The following FNBP1L variants were observed in gnomAD, a reference collection of about 807,000 sequenced individuals.
FNBP1L encodes formin-binding protein 1-like.
FNBP1L carries 36 observed loss-of-function variants against 91.2 expected under a neutral mutation model. The observed-to-expected ratio is 0.39, with a 90% CI of 0.30 to 0.52. FNBP1L has a LOEUF of 0.52. Ranked by LOEUF, FNBP1L falls within the 20% of genes least tolerant of loss-of-function variation. The probability of loss-of-function intolerance (pLI) is 0.66; values close to 1 mark genes in which losing one functional copy is unlikely to be tolerated. For missense variants in FNBP1L, 571 were observed against 732.1 expected (o/e 0.78, Z 2.54); for synonymous variants, 242 against 237.0 (o/e 1.02, Z -0.19).
At chr1:93,546,688 A>G (rs946431030) in intron 12 of FNBP1L, among the ~76,000 whole-genome samples, 154 bp from the exon 13 acceptor site, 3 of 152,122 alleles carry the variant, frequency 2.0e-5, no homozygotes, top group African/African-American at 7.2e-5. Flanking sequence ...CCTTTATGCA[A>G]ATTGTCTTTA....
intron 2 of FNBP1L, among the ~76,000 whole-genome samples, chr1:93,520,982 C>T (rs1361062486): frequency 6.6e-6 from 1 of 152,164 alleles, no homozygotes; most frequent in African/African-American, 2.4e-5. Flanking sequence ...GCAGAGGTTT[C>T]AGTGGGCTGA....
chr1:93,534,781 A>C lies in FNBP1L; in HGVS notation c.863A>C (p.Gln288Pro). The C allele has an allele frequency of 6.4e-7, 1 of 1,571,018 alleles. No homozygotes were observed. Among genetic ancestry groups the C allele is most frequent in the Non-Finnish European group, 8.6e-7 (1 of 1,156,188 alleles). The change falls in exon 9 of 17, where the codon CAA becomes CCA. Residue 288 changes from glutamine to proline, a missense_variant. Transcript: ENST00000271234. ...GACTTTCCATTTGAAGATTACAGTC[A>C]ACATATATATAGAACCATTTCTGAT... is the stretch of plus-strand genomic sequence containing the variant. ...PGDFPFEDYS[Q>P]HIYRTISDGT...
At chr1:93,529,236 G>C (rs186262949) in intron 5 of FNBP1L, among the ~76,000 whole-genome samples, 9 of 152,110 alleles carry the variant, frequency 5.9e-5, no homozygotes, top group African/African-American at 2.2e-4. Flanking sequence ...CATTTTTTGA[G>C]TGAGATATAT....
intron 1 of FNBP1L, among the ~76,000 whole-genome samples, chr1:93,490,113 G>A (rs1670045751): frequency 6.6e-6 from 1 of 152,084 alleles, no homozygotes; most frequent in Non-Finnish European, 1.5e-5. Context: ...CAAAGTAATT[G>A]GGAAAACAAG....
chr1:93,510,633 G>A (rs150525681), intron 2 of FNBP1L, among the ~76,000 whole-genome samples: 44 of 152,156 alleles, frequency 2.9e-4, no homozygotes, highest in Middle Eastern at 3.4e-3. Context: ...GCTGAGAGAA[G>A]GCTTCAGATG....
At chr1:93,461,959 A>C (rs530766243) in intron 1 of FNBP1L, among the ~76,000 whole-genome samples, 8 of 152,326 alleles carry the variant, frequency 5.3e-5, no homozygotes, top group Admixed American at 5.2e-4. Context: ...GCTGGACTCT[A>C]TGGACCACTT....
intron 12 of FNBP1L, among the ~76,000 whole-genome samples, chr1:93,545,395 G>T (rs1181581294): frequency 1.3e-5 from 2 of 152,080 alleles, no homozygotes; most frequent in East Asian, 1.9e-4. Context: ...AATTTTCCCA[G>T]ATATCTCCAT....
intron 1 of FNBP1L, among the ~76,000 whole-genome samples, chr1:93,461,731 A>G (rs1040427394): frequency 6.6e-6 from 1 of 152,226 alleles, no homozygotes; most frequent in Non-Finnish European, 1.5e-5. Flanking sequence ...AGGTATGCCA[A>G]AGCAAAGAAT....
At chr1:93,502,365 C>T (rs991208693) in intron 2 of FNBP1L, among the ~76,000 whole-genome samples, 5 of 151,942 alleles carry the variant, frequency 3.3e-5, no homozygotes, top group African/African-American at 9.7e-5. Context: ...AAAAGAGATT[C>T]CTATCACAAA....
chr1:93,456,849 A>G (rs1668686073), intron 1 of FNBP1L, among the ~76,000 whole-genome samples: 2 of 151,914 alleles, frequency 1.3e-5, no homozygotes, highest in Admixed American at 1.3e-4. Flanking sequence ...CCCTCTATTG[A>G]TTCAACAAAT....
chr1:93,469,119 G>T (rs901529643), intron 1 of FNBP1L, among the ~76,000 whole-genome samples: 5 of 151,826 alleles, frequency 3.3e-5, no homozygotes, highest in African/African-American at 1.2e-4. Flanking sequence ...AAGTTCTAGG[G>T]TACATGTGCA....
intron 1 of FNBP1L, among the ~76,000 whole-genome samples, chr1:93,454,344 G>C (rs888178038): frequency 3.3e-5 from 5 of 151,862 alleles, no homozygotes; most frequent in Non-Finnish European, 7.4e-5. Context: ...GTCTGTGTGT[G>C]TGTGTGTGTG....
chr1:93,544,291 A>G, intron 12 of FNBP1L, 75 bp downstream of exon 12: 1 of 939,286 alleles, frequency 1.1e-6, no homozygotes. Context: ...AATGTGATAT[A>G]CAGAAGGTTT....
chr1:93,463,653 A>G (rs1003642188), intron 1 of FNBP1L, among the ~76,000 whole-genome samples: 9 of 151,992 alleles, frequency 5.9e-5, no homozygotes, highest in African/African-American at 1.9e-4. Context: ...TTAATCGTTT[A>G]TTTCCAGTAT....
chr1:93,458,049 C>T (rs899684537), intron 1 of FNBP1L, among the ~76,000 whole-genome samples: 11 of 152,154 alleles, frequency 7.2e-5, no homozygotes, highest in Admixed American at 2.0e-4. Context: ...CTCAGCCTCC[C>T]AGAGTGCTGG....
intron 10 of FNBP1L, among the ~76,000 whole-genome samples, chr1:93,536,724 G>C (rs764613432): frequency 3.9e-5 from 6 of 151,980 alleles, no homozygotes; most frequent in Non-Finnish European, 7.4e-5. Context: ...TCATATTTTA[G>C]CTATTTTTTT....
At chr1:93,456,640 C>A (rs368418996) in intron 1 of FNBP1L, among the ~76,000 whole-genome samples, 1 of 143,704 alleles carries the variant, frequency 7.0e-6, no homozygotes, top group Non-Finnish European at 1.5e-5. Flanking sequence ...ATAAGCTGGG[C>A]GTGGTGGTGG....
chr1:93,523,772 A>ATATCT, intron 4 of FNBP1L, among the ~76,000 whole-genome samples: 1 of 152,348 alleles, frequency 6.6e-6, no homozygotes. Context: ...ATGGTTGAAA[A>ATATCT]AAGAATAATA....
At chr1:93,449,280 C>T (rs565366211) in intron 1 of FNBP1L, among the ~76,000 whole-genome samples, 3 of 149,420 alleles carry the variant, frequency 2.0e-5, no homozygotes, top group South Asian at 4.2e-4. Flanking sequence ...TTCTCAGGTG[C>T]GGAGGGCAGT....
Sources: allele counts gnomAD v4.1 joint callset (sites outside exome capture counted in the v4.1 genomes callset), GRCh38; gene constraint gnomAD v4.1.1; transcripts MANE v1.5; gene names NCBI Gene and HGNC (gene_info 2026-07-23, HGNC 2026-07-21).